The following ZNF638 variants were observed in gnomAD, a reference collection of about 807,000 sequenced individuals.
The protein encoded by ZNF638 is zinc finger protein 638, also known as CTCL tumor antigen se33-1.
A neutral mutation model predicts 195.6 loss-of-function variants in ZNF638; 46 were observed. The ratio of observed to expected loss-of-function variants is 0.24; its 90% CI spans 0.19 to 0.30. The LOEUF is 0.30. ZNF638 is among the 10% of genes least tolerant of loss of function. ZNF638 has a pLI of 1.00. For missense variants in ZNF638, 2,440 were observed against 2,325.3 expected (o/e 1.05, Z -1.01); for synonymous variants, 845 against 772.0 (o/e 1.09, Z -1.57).
intron 20 of ZNF638, among the ~76,000 whole-genome samples, chr2:71,416,721 G>A: frequency 1.1e-5 from 1 of 88,956 alleles, no homozygotes; most frequent in Non-Finnish European, 2.1e-5. Flanking sequence ...CTGCAGGTCT[G>A]TTGGAATACC....
chr2:71,389,726 G>A (rs1413350354), intron 10 of ZNF638, among the ~76,000 whole-genome samples: 2 of 151,866 alleles, frequency 1.3e-5, no homozygotes, highest in Non-Finnish European at 3.0e-5. Context: ...CTTTATAAAT[G>A]TTCGACAAGG....
chr2:71,408,307 A>T, intron 20 of ZNF638, 60 bp downstream of exon 20: 23 of 1,551,354 alleles, frequency 1.5e-5, no homozygotes, highest in Non-Finnish European at 2.0e-5. Flanking sequence ...CATAAAGGTC[A>T]TTCTCAGGTA....
chr2:71,426,647 A>G lies in ZNF638; in HGVS notation c.4778A>G (p.Glu1593Gly). 1 of 1,614,206 alleles carries G rather than the reference A, an allele frequency of 6.2e-7. No individual in the cohort carries two copies. Among genetic ancestry groups the G allele is most frequent in the Non-Finnish European group, 8.5e-7 (1 of 1,180,022 alleles). Residue 1593 changes from glutamate (E) to glycine (G), a missense_variant, in exon 24 of 28, where the codon GAG (glutamate) becomes GGG (glycine). This residue lies in a region of ZNF638 where 1,883 missense variants were observed against 1,739.1 expected (regional missense o/e 1.08). Transcript: ENST00000264447. The part of the protein sequence containing the change: ...KGKTSTPRGV[E>G]GELSFVTLDE... The stretch of plus-strand genomic sequence containing the variant: ...AAAACTTCCACTCCTCGTGGTGTTG[A>G]GGGAGAACTATCTTTTGTGACATTG...
chr2:71,408,778 A>C, intron 20 of ZNF638: 1 of 437,416 alleles, frequency 2.3e-6, no homozygotes, highest in South Asian at 1.7e-5. Flanking sequence ...CTGATATCAG[A>C]GGTAAGTAAT....
intron 12 of ZNF638, 120 bp from the exon 13 acceptor site, chr2:71,399,439 C>T: frequency 6.0e-6 from 4 of 664,592 alleles, no homozygotes; most frequent in Non-Finnish European, 1.0e-5. Context: ...GAAATAATGA[C>T]TATGTGGAAA....
At position 71,349,664 on chromosome 2, in the gene ZNF638, A is replaced by T. The variant is rs745480037; in HGVS notation, c.710A>T (p.Glu237Val). The change falls in exon 2 of 28, where the codon GAG (glutamate) becomes GTG (valine). Residue 237 changes from glutamate to valine, a missense_variant. Around this residue, in one of 5 missense-constraint regions of ZNF638, gnomAD observed 305 missense variants for 283.6 expected, o/e 1.08. Transcript: ENST00000264447. ...TATGATCCTGAAATTCCAACTGATGAGGTCGAGAATGAATTTCAGTCACAG... is the reference window on the plus strand; with the variant it reads ...TATGATCCTGAAATTCCAACTGATGTGGTCGAGAATGAATTTCAGTCACAG... ...RIYDPEIPTD[E>V]VENEFQSQQN... The T allele has an allele frequency of 6.2e-7, 1 of 1,614,158 alleles. No homozygotes were observed.
At chr2:71,364,340 C>T in intron 5 of ZNF638, 88 bp downstream of exon 5, 2 of 1,371,528 alleles carry the variant, frequency 1.5e-6, no homozygotes, top group Non-Finnish European at 9.8e-7. Context: ...AAATGTTCTA[C>T]TTTATTAAAT....
intron 26 of ZNF638, among the ~76,000 whole-genome samples, 198 bp downstream of exon 26, chr2:71,431,626 G>A (rs1015336956): frequency 6.6e-6 from 1 of 152,234 alleles, no homozygotes; most frequent in Admixed American, 6.5e-5. Context: ...CGGACGTGGT[G>A]GCGGGCGCCT....
chr2:71,376,747 T>C (rs1361595626), intron 8 of ZNF638, among the ~76,000 whole-genome samples: 1 of 152,174 alleles, frequency 6.6e-6, no homozygotes, highest in African/African-American at 2.4e-5. Flanking sequence ...TATGTTAATA[T>C]GGATTTGTAC....
chr2:71,335,661 C>G (rs930241200), intron 1 of ZNF638, among the ~76,000 whole-genome samples: 22 of 152,138 alleles, frequency 1.4e-4, no homozygotes, highest in Admixed American at 9.2e-4. Flanking sequence ...AATGGTCAGT[C>G]TTGTTTCATC....
chr2:71,404,865 TA>T (rs2080075019), intron 17 of ZNF638, among the ~76,000 whole-genome samples: 1 of 152,194 alleles, frequency 6.6e-6, no homozygotes, highest in Admixed American at 6.5e-5. Flanking sequence ...ATGTGACCTA[TA>T]AACATTTACT....
At chr2:71,361,090 T>C (rs2079101261) in intron 3 of ZNF638, among the ~76,000 whole-genome samples, 1 of 152,146 alleles carries the variant, frequency 6.6e-6, no homozygotes, top group Non-Finnish European at 1.5e-5. Context: ...GCCTCCTGAG[T>C]AGCTAGGACC....
chr2:71,404,103 A>G (rs758310337), intron 17 of ZNF638, 105 bp downstream of exon 17: 16 of 1,170,840 alleles, frequency 1.4e-5, no homozygotes, highest in Non-Finnish European at 1.8e-5. Flanking sequence ...CATTTTTCTC[A>G]CAGACACTGA....
At chr2:71,405,067 T>G (rs2080079246) in intron 17 of ZNF638, among the ~76,000 whole-genome samples, 1 of 152,164 alleles carries the variant, frequency 6.6e-6, no homozygotes, top group South Asian at 2.1e-4. Context: ...AAAAAAAGTT[T>G]AGGATCCTCA....
chr2:71,363,236 T>A (rs1291991587), intron 4 of ZNF638, 45 bp downstream of exon 4: 11 of 1,378,982 alleles, frequency 8.0e-6, no homozygotes, highest in Non-Finnish European at 1.0e-5. Context: ...GATTGTCTTT[T>A]AAAAGTAAAC....
chr2:71,381,501 G>A lies in ZNF638; in HGVS notation c.2377+936G>A, dbSNP rs527679986. On this transcript the variant is annotated intron_variant, in intron 10 of 27. Transcript: ENST00000264447. Reference sequence around the variant, plus strand: ...GTAACATTATGTGAAGAGATAAAATGTGGAGGCAGAAGATTACTTCATCTG... The same window carrying A: ...GTAACATTATGTGAAGAGATAAAATATGGAGGCAGAAGATTACTTCATCTG... Among the ~76,000 whole-genome samples the A allele has an allele frequency of 2.6e-5, 4 of 152,202 alleles. No homozygotes were observed. In the East Asian group the frequency reaches 5.8e-4, roughly 22 times the overall value.
At chr2:71,417,909 A>G (rs912623137) in intron 20 of ZNF638, among the ~76,000 whole-genome samples, 35 of 152,314 alleles carry the variant, frequency 2.3e-4, no homozygotes, top group Admixed American at 7.2e-4. Context: ...TAGTCTGACA[A>G]AATCTTTCTA....
At position 71,423,243 on chromosome 2, in the gene ZNF638, T is replaced by A. The variant is rs1255752108; in HGVS notation, c.3729T>A (p.Ser1243=). 2.5e-6 allele frequency: 4 copies of A among 1,613,946 alleles called. No individual in the cohort carries two copies. Among genetic ancestry groups the A allele is most frequent in the Non-Finnish European group, 3.4e-6 (4 of 1,180,006 alleles). ...ACCTCAAAGGAATTCTAGAAGAATC[T>A]CCATCTGAAGCAGAAGATTTCATTT... ...ERNLKGILEE[S]PSEAEDFISG... is the part of the protein sequence containing the mutation. The change falls in exon 22 of 28, where the codon TCT becomes TCA. Residue 1243 remains serine (S), a synonymous_variant. Transcript: ENST00000264447.
chr2:71,359,520 C>G (rs1037583991), intron 3 of ZNF638, among the ~76,000 whole-genome samples: 1 of 152,198 alleles, frequency 6.6e-6, no homozygotes, highest in Admixed American at 6.5e-5. Context: ...CCTTACTCAG[C>G]CCACTGACTC....
Sources: allele counts gnomAD v4.1 joint callset (sites outside exome capture counted in the v4.1 genomes callset), GRCh38; gene constraint gnomAD v4.1.1; regional missense constraint gnomAD v4.1.1; transcripts MANE v1.5; gene names NCBI Gene and HGNC (gene_info 2026-07-23, HGNC 2026-07-21).